ZC3HC1: variants seen among roughly 807,000 people sequenced by gnomAD.
ZC3HC1 encodes zinc finger C3HC-type protein 1.
ZC3HC1 carries 38 observed loss-of-function variants against 61.9 expected under a neutral mutation model. That is an observed-to-expected ratio of 0.61 (90% CI 0.47 to 0.81). The LOEUF is 0.81. ZC3HC1 is among the 30% of genes least tolerant of loss of function. The pLI is 0.00. For missense variants in ZC3HC1, 554 were observed against 622.7 expected (o/e 0.89, Z 1.17); for synonymous variants, 213 against 229.9 (o/e 0.93, Z 0.67).
intron 4 of ZC3HC1, among the ~76,000 whole-genome samples, chr7:130,032,774 A>G (rs1794268760): frequency 1.0e-5 from 1 of 97,668 alleles, no homozygotes; most frequent in Non-Finnish European, 2.0e-5. Flanking sequence ...GGAAGGAGGG[A>G]AGGGAGGGAG....
intron 4 of ZC3HC1, chr7:130,036,866 C>G (rs1255280538): frequency 6.6e-6 from 1 of 152,162 alleles, no homozygotes; most frequent in Non-Finnish European, 1.5e-5. Context: ...AGGTTTCTGG[C>G]TAGGACAACT....
rs1794648644 is a variant in ZC3HC1 at position 130,041,144 on chromosome 7, A to ATATG, written c.259-44_259-43insCATA. 6.2e-6 allele frequency: 9 copies of ATATG among 1,452,404 alleles called. No homozygotes were observed. The African/African-American group carries it at 1.3e-4, about 22-fold the overall frequency. 90.0% of individuals were successfully genotyped at this position (1,452,404 alleles called of 1,614,324 possible). ...AACAACACAGCAAATATATATATAT[A>ATATG]TGTGTGTGTATGTGTGTGTGTGTGT... On this transcript the variant is annotated intron_variant, in intron 2 of 9. Coordinates refer to ENST00000358303, the MANE Select transcript of ZC3HC1 (RefSeq NM_016478.5).
intron 9 of ZC3HC1, 67 bp downstream of exon 9, chr7:130,022,252 C>A: frequency 3.1e-6 from 5 of 1,598,552 alleles, no homozygotes; most frequent in Non-Finnish European, 4.3e-6. Context: ...AATTATAGGC[C>A]CAGCCTCTGC....
intron 6 of ZC3HC1, 75 bp from the exon 7 acceptor site, chr7:130,024,581 A>G: frequency 6.7e-7 from 1 of 1,496,098 alleles, no homozygotes; most frequent in South Asian, 1.3e-5. Flanking sequence ...TCTTGTGAGT[A>G]TGCCTTATCT....
intron 4 of ZC3HC1, among the ~76,000 whole-genome samples, chr7:130,030,723 A>C (rs1385397590): frequency 6.7e-6 from 1 of 149,944 alleles, no homozygotes; most frequent in African/African-American, 2.5e-5. Context: ...GCTGGAGTGC[A>C]GTGGCGTGAT....
chr7:130,048,117 GT>G (rs1241209652), intron 2 of ZC3HC1, among the ~76,000 whole-genome samples: 1 of 146,420 alleles, frequency 6.8e-6, no homozygotes, highest in Non-Finnish European at 1.5e-5. Flanking sequence ...CAATGACTGA[GT>G]TTGGAAGTGG....
At chr7:130,048,210 C>T (rs759011271) in intron 2 of ZC3HC1, among the ~76,000 whole-genome samples, 4 of 140,242 alleles carry the variant, frequency 2.9e-5, no homozygotes, top group African/African-American at 5.4e-5. Flanking sequence ...AATGCAGTGG[C>T]GCGATCTCGA....
chr7:130,029,358 G>A (rs2116697149), intron 4 of ZC3HC1, among the ~76,000 whole-genome samples: 1 of 152,206 alleles, frequency 6.6e-6, no homozygotes, highest in South Asian at 2.1e-4. Context: ...CTGGGCAACA[G>A]AGAGAGACTC....
chr7:130,035,327 G>A (rs958314766), intron 4 of ZC3HC1, among the ~76,000 whole-genome samples: 15 of 146,130 alleles, frequency 1.0e-4, no homozygotes, highest in African/African-American at 3.6e-4. Context: ...GGGAAGCAGA[G>A]TTTGTGGTGA....
chr7:130,020,546 G>A (rs1793594575), intron 9 of ZC3HC1, among the ~76,000 whole-genome samples: 1 of 152,022 alleles, frequency 6.6e-6, no homozygotes, highest in Admixed American at 6.6e-5. Flanking sequence ...ACAGGCATGA[G>A]CCACTGTGCC....
At chr7:130,029,491 G>A (rs937822312) in intron 4 of ZC3HC1, among the ~76,000 whole-genome samples, 1 of 152,132 alleles carries the variant, frequency 6.6e-6, no homozygotes, top group Non-Finnish European at 1.5e-5. Flanking sequence ...CATTTTGATG[G>A]GGCTGTAATG....
chr7:130,032,335 A>G (rs758959994), intron 4 of ZC3HC1, among the ~76,000 whole-genome samples: 4 of 151,922 alleles, frequency 2.6e-5, no homozygotes, highest in African/African-American at 4.8e-5. Flanking sequence ...GACATCCTAC[A>G]CAGATTGAGA....
chr7:130,022,100 G>C (rs1793668967), intron 9 of ZC3HC1, among the ~76,000 whole-genome samples: 1 of 152,164 alleles, frequency 6.6e-6, no homozygotes, highest in Non-Finnish European at 1.5e-5. Context: ...TGACCCAGGA[G>C]GCGGAGGTTG....
intron 4 of ZC3HC1, among the ~76,000 whole-genome samples, chr7:130,034,058 T>G (rs1489309228): frequency 6.6e-6 from 1 of 152,208 alleles, no homozygotes; most frequent in African/African-American, 2.4e-5. Flanking sequence ...TGATAAGTTT[T>G]AACGTGCACA....
In ZC3HC1 at chr7:130,022,491, G is replaced by C. The variant is rs1793692241; in HGVS notation, c.1268C>G (p.Ser423Cys). The C allele has an allele frequency of 3.1e-6, 5 of 1,613,696 alleles. No homozygotes were observed. Among genetic ancestry groups the C allele is most frequent in the African/African-American group, 1.3e-5 (1 of 74,930 alleles). ...CCAAGGGCACCAGTCTCTATGCTGAGAGGTGGGATCAAAGAAGCTTCGGGA... is the reference window on the plus strand; with the variant it reads ...CCAAGGGCACCAGTCTCTATGCTGACAGGTGGGATCAAAGAAGCTTCGGGA... ...TSSRSFFDPTSQHRDWCPWVN... is the reference protein window; with the variant it reads ...TSSRSFFDPTCQHRDWCPWVN... The change falls in exon 9 of 10, where the codon TCT becomes TGT. Residue 423 changes from serine (S) to cysteine (C), a missense_variant. Ser to Cys is a moderately radical substitution (Grantham distance 112). Coordinates refer to ENST00000358303, the MANE Select transcript of ZC3HC1 (RefSeq NM_016478.5).
At position 130,039,480 on chromosome 7, in the gene ZC3HC1, T is replaced by G; in HGVS notation, c.477A>C (p.Pro159=). ...CTAHEKFCFW[P]DSPSPDRFGM... is the part of the protein sequence containing the mutation. ...AATAAGTACCTGGGGATGGGCTGTC[T>G]GGCCAGAAACAGAACTTCTCATGGG... The change falls in exon 4 of 10, where the codon CCA becomes CCC. Residue 159 remains proline (P), a synonymous_variant. Transcript: ENST00000358303. The G allele has an allele frequency of 6.2e-7, 1 of 1,612,156 alleles. No homozygotes were observed. Among genetic ancestry groups the G allele is most frequent in the Non-Finnish European group, 8.5e-7 (1 of 1,179,494 alleles).
chr7:130,049,879 A>C (rs953568798), intron 1 of ZC3HC1, among the ~76,000 whole-genome samples: 1 of 151,646 alleles, frequency 6.6e-6, no homozygotes, highest in African/African-American at 2.4e-5. Flanking sequence ...CAGAAAAAAC[A>C]ATTTTGATAT....
rs927321757 is a variant in ZC3HC1 at position 130,023,433 on chromosome 7, C to T, written c.1233+78G>A. 2.1e-6 allele frequency: 3 copies of T among 1,418,748 alleles called. No homozygotes were observed. 87.9% of individuals were successfully genotyped at this position (1,418,748 alleles called of 1,614,324 possible). A position where few individuals can be genotyped will look rare whatever the true frequency, so the allele number is the denominator to read the frequency against. On this transcript the variant is annotated intron_variant, in intron 8 of 9. Transcript: ENST00000358303. This position sits in a 1 kb window ranked among gnomAD's most constrained non-coding sequence, Gnocchi z 4.2. ...GCATTGGACCACGGAAGGGCTCCTG[C>T]CTGCTTCTCCATGCTGCCTAGGGAG...
chr7:130,044,345 C>A (rs1794790000), intron 2 of ZC3HC1, among the ~76,000 whole-genome samples: 1 of 152,134 alleles, frequency 6.6e-6, no homozygotes, highest in Non-Finnish European at 1.5e-5. Context: ...ATAACATTCT[C>A]CACTGAAAAA....
Sources: gnomAD v4.1 joint callset for allele counts (sites outside exome capture counted in the v4.1 genomes callset) on GRCh38, gnomAD v4.1.1 for gene constraint, Gnocchi (gnomAD v3.1) non-coding constraint, MANE v1.5 for transcripts, NCBI Gene and HGNC (gene_info 2026-07-23, HGNC 2026-07-21) for gene names.